The following STAC variants were observed in gnomAD, a reference collection of about 807,000 sequenced individuals.
STAC encodes the protein SH3 and cysteine rich domain.
A neutral mutation model predicts 48.8 loss-of-function variants in STAC; 43 were observed. The ratio of observed to expected loss-of-function variants is 0.88; its 90% CI spans 0.69 to 1.14. STAC has a LOEUF of 1.14. STAC is among the 50% of genes most tolerant of loss of function. The pLI is 0.00. For missense variants in STAC, 497 were observed against 504.0 expected (o/e 0.99, Z 0.13); for synonymous variants, 193 against 179.5 (o/e 1.07, Z -0.60).
chr3:36,473,647 C>T (rs576470664), intron 2 of STAC, among the ~76,000 whole-genome samples: 12 of 152,176 alleles, frequency 7.9e-5, no homozygotes, highest in South Asian at 2.1e-4. Flanking sequence ...TTTACCACTC[C>T]GCCATGGTGT....
At chr3:36,439,948 C>T (rs1696292380) in intron 1 of STAC, among the ~76,000 whole-genome samples, 1 of 152,258 alleles carries the variant, frequency 6.6e-6, no homozygotes, top group Non-Finnish European at 1.5e-5. Context: ...CTCCTTCTTC[C>T]CCCTTCTTTG....
In STAC at chr3:36,546,387, C is replaced by T; in HGVS notation, c.*98C>T. 1.0e-6 allele frequency: 1 copy of T among 1,000,558 alleles called. No individual in the cohort carries two copies. Among genetic ancestry groups the T allele is most frequent in the South Asian group, 1.3e-5 (1 of 74,910 alleles). The allele number at this position is 1,000,558 out of a possible 1,614,324, so 62.0% of individuals were successfully genotyped here. ...ACCCAAAGGAGCTGCCGCACTGACCCAGCCCCCCAGGAAACAGTGAGACAA... is the reference window on the plus strand; with the variant it reads ...ACCCAAAGGAGCTGCCGCACTGACCTAGCCCCCCAGGAAACAGTGAGACAA... On this transcript the variant is annotated 3_prime_UTR_variant, in exon 11 of 11. Transcript: ENST00000273183.
chr3:36,522,787 G>T (rs187739627), intron 8 of STAC, among the ~76,000 whole-genome samples: 11 of 152,124 alleles, frequency 7.2e-5, no homozygotes, highest in Admixed American at 7.2e-4. Context: ...GGAGGGTGTC[G>T]TGTCTCCTCT....
chr3:36,511,180 T>C (rs1203703079), intron 8 of STAC, among the ~76,000 whole-genome samples: 1 of 152,062 alleles, frequency 6.6e-6, no homozygotes, highest in Non-Finnish European at 1.5e-5. Context: ...CAATTCTGGG[T>C]TCACATCCTA....
intron 1 of STAC, among the ~76,000 whole-genome samples, chr3:36,409,140 G>A (rs964575364): frequency 6.6e-6 from 1 of 152,182 alleles, no homozygotes; most frequent in African/African-American, 2.4e-5. Context: ...TTCCTGAACA[G>A]CATCTAGAAG....
chr3:36,396,615 C>A (rs983890181), intron 1 of STAC, among the ~76,000 whole-genome samples: 1 of 152,236 alleles, frequency 6.6e-6, no homozygotes, highest in Non-Finnish European at 1.5e-5. Context: ...ATGTTCCAAG[C>A]ATTTTTCCTG....
At chr3:36,387,126 A>G in intron 1 of STAC, among the ~76,000 whole-genome samples, 1 of 152,146 alleles carries the variant, frequency 6.6e-6, no homozygotes, top group East Asian at 1.9e-4. Context: ...GGGCAGATCC[A>G]TGAATAAGAA....
intron 2 of STAC, among the ~76,000 whole-genome samples, chr3:36,468,036 T>C (rs1697225732): frequency 6.6e-6 from 1 of 152,136 alleles, no homozygotes; most frequent in South Asian, 2.1e-4. Context: ...GAGGTTTTGA[T>C]AGGTTGTGTC....
intron 1 of STAC, among the ~76,000 whole-genome samples, chr3:36,393,965 G>A (rs1444655567): frequency 6.6e-6 from 1 of 152,006 alleles, no homozygotes; most frequent in Non-Finnish European, 1.5e-5. Context: ...TCTAGGGGAA[G>A]AGAAGAAGCT....
intron 8 of STAC, among the ~76,000 whole-genome samples, chr3:36,521,116 C>A (rs1698793192): frequency 6.6e-6 from 1 of 151,882 alleles, no homozygotes; most frequent in African/African-American, 2.4e-5. Flanking sequence ...CCTTTTTCTG[C>A]CCCCTTCAGC....
At chr3:36,498,051 C>T (rs544531002) in intron 6 of STAC, among the ~76,000 whole-genome samples, 18 of 152,004 alleles carry the variant, frequency 1.2e-4, no homozygotes, top group South Asian at 6.3e-4. Flanking sequence ...GAAAATGAGC[C>T]GTGATGAGTA....
chr3:36,461,572 A>G (rs1347102837), intron 2 of STAC, among the ~76,000 whole-genome samples: 1 of 152,182 alleles, frequency 6.6e-6, no homozygotes, highest in Admixed American at 6.5e-5. Context: ...AAGGTGATAA[A>G]TGATATGGAA....
intron 8 of STAC, among the ~76,000 whole-genome samples, chr3:36,506,482 G>C (rs988667419): frequency 2.6e-5 from 4 of 152,166 alleles, no homozygotes; most frequent in Non-Finnish European, 5.9e-5. Flanking sequence ...GTGGTAGCTT[G>C]ATGGGGATAG....
chr3:36,530,826 G>A (rs1175628448), intron 10 of STAC, among the ~76,000 whole-genome samples: 1 of 151,732 alleles, frequency 6.6e-6, no homozygotes, highest in African/African-American at 2.4e-5. Flanking sequence ...TCAAACTCTG[G>A]ACCTCAGGTG....
At chr3:36,501,150 T>C (rs1156883263) in intron 6 of STAC, among the ~76,000 whole-genome samples, 2 of 152,132 alleles carry the variant, frequency 1.3e-5, no homozygotes, top group African/African-American at 4.8e-5. Context: ...GACTGGAATA[T>C]ATTTAAAGCT....
chr3:36,546,455 A>T lies in STAC; in HGVS notation c.*166A>T, dbSNP rs1049082718. On this transcript the variant is annotated 3_prime_UTR_variant, in exon 11 of 11. Transcript: ENST00000273183. Reference sequence around the variant, plus strand: ...CTGTGGAGTAATAGCCACAAAACAGAGGGCCCACTGCACAGCATATCCAGG... The same window carrying T: ...CTGTGGAGTAATAGCCACAAAACAGTGGGCCCACTGCACAGCATATCCAGG... 1.0e-4 allele frequency: 65 copies of T among 625,430 alleles called. No individual in the cohort carries two copies. Among genetic ancestry groups the T allele is most frequent in the Non-Finnish European group, 3.1e-5 (11 of 356,930 alleles). The allele number at this position is 625,430 out of a possible 1,614,324, so 38.7% of individuals were successfully genotyped here.
At chr3:36,507,702 C>G (rs370042287) in intron 8 of STAC, among the ~76,000 whole-genome samples, 7 of 152,100 alleles carry the variant, frequency 4.6e-5, no homozygotes, top group African/African-American at 1.7e-4. Context: ...AGTTTATTGG[C>G]GTAGAGGTGT....
chr3:36,455,876 C>T (rs571366337), intron 2 of STAC, among the ~76,000 whole-genome samples: 51 of 152,182 alleles, frequency 3.4e-4, no homozygotes, highest in African/African-American at 1.2e-3. Context: ...GCTTATCAAA[C>T]ACTATCTGAT....
intron 1 of STAC, among the ~76,000 whole-genome samples, chr3:36,384,075 A>G (rs1699567494): frequency 6.6e-6 from 1 of 152,186 alleles, no homozygotes; most frequent in African/African-American, 2.4e-5. Context: ...CCCACTAACT[A>G]TTTCAGAAAG....
Sources: allele counts gnomAD v4.1 joint callset (sites outside exome capture counted in the v4.1 genomes callset), GRCh38; gene constraint gnomAD v4.1.1; transcripts MANE v1.5; gene names NCBI Gene and HGNC (gene_info 2026-07-23, HGNC 2026-07-21).